Variants in RPS6KB1 observed in about 807,000 individuals in gnomAD.
RPS6KB1 encodes ribosomal protein S6 kinase beta-1.
A neutral mutation model predicts 70.2 loss-of-function variants in RPS6KB1; 12 were observed. That is an observed-to-expected ratio of 0.17 (90% CI 0.11 to 0.28). The LOEUF (loss-of-function observed/expected upper bound fraction) is 0.28, where lower values mean the gene tolerates loss of function less well. Among genes scored for constraint, RPS6KB1 ranks in the 10% least tolerant of loss-of-function variants. The probability of loss-of-function intolerance (pLI) is 1.00; values close to 1 mark genes in which losing one functional copy is unlikely to be tolerated. For missense variants in RPS6KB1, 270 were observed against 646.6 expected, an observed-to-expected ratio of 0.42 and a Z score of 6.32; for synonymous variants, 175 against 211.2, an observed-to-expected ratio of 0.83 and a Z score of 1.49.
intron 1 of RPS6KB1, among the ~76,000 whole-genome samples, chr17:59,899,302 G>C (rs2041764767): frequency 2.0e-5 from 3 of 152,108 alleles, no homozygotes. Flanking sequence ...GAGCCTTCTA[G>C]AGGTAACACT....
chr17:59,932,208 G>A (rs528925591), intron 7 of RPS6KB1, among the ~76,000 whole-genome samples: 1 of 151,004 alleles, frequency 6.6e-6, no homozygotes, highest in Non-Finnish European at 1.5e-5. Context: ...AGTTCAAGAC[G>A]CCTGGCCAAC....
At position 59,947,587 on chromosome 17, in the gene RPS6KB1, T is replaced by C. The variant is rs554972705; in HGVS notation, c.*799T>C. 1.0e-4 allele frequency: 155 copies of C among 1,501,530 alleles called. No homozygotes were observed. The South Asian group carries it at 1.8e-3, about 17-fold the overall frequency. The allele number at this position is 1,501,530 out of a possible 1,614,324, so 93.0% of individuals were successfully genotyped here. A position where few individuals can be genotyped will look rare whatever the true frequency, so the allele number is the denominator to read the frequency against. ...TCTATTTAATCATTTCTACTTGCAG[T>C]ACTGCTATGTGCTAAGCTTAACTGG... On this transcript the variant is annotated 3_prime_UTR_variant, in exon 15 of 15. Coordinates refer to ENST00000225577, the MANE Select transcript of RPS6KB1 (RefSeq NM_003161.4).
intron 1 of RPS6KB1, chr17:59,894,028 T>A (rs1466029493): frequency 2.6e-6 from 2 of 774,604 alleles, no homozygotes; most frequent in Non-Finnish European, 3.1e-6. Context: ...AAGTTGAAGA[T>A]GTCTGTATTT....
intron 1 of RPS6KB1, among the ~76,000 whole-genome samples, chr17:59,900,028 C>T (rs2041814349): frequency 6.6e-6 from 1 of 151,886 alleles, no homozygotes; most frequent in Admixed American, 6.6e-5. Flanking sequence ...AAATAGTGGG[C>T]ATAGTAGCAC....
rs1305661249 is a variant in RPS6KB1, at chr17:59,893,453, C to T, written c.141+128C>T. ...CCTGAGGAGCTGAGGGTCGCGCGGC[C>T]TGAGACAGGGGAGCGGGCGGGGCGG... On this transcript the variant is annotated intron_variant, in intron 1 of 14. Transcript: ENST00000225577. This position sits in a 1 kb window ranked among gnomAD's most constrained non-coding sequence, Gnocchi z 4.1. 5.0e-6 allele frequency: 5 copies of T among 999,178 alleles called. No homozygotes were observed. The highest frequency in any genetic ancestry group is 1.6e-5 in the South Asian group (1 of 60,854). The allele number at this position is 999,178 out of a possible 1,614,324, so 61.9% of individuals were successfully genotyped here. A position where few individuals can be genotyped will look rare whatever the true frequency, so the allele number is the denominator to read the frequency against.
intron 4 of RPS6KB1, among the ~76,000 whole-genome samples, chr17:59,922,085 G>A (rs1220235545): frequency 6.8e-6 from 1 of 146,602 alleles, no homozygotes; most frequent in Non-Finnish European, 1.5e-5. Context: ...CTGTTGCCCA[G>A]GCTGGAGTGC....
chr17:59,949,848 A>G lies in RPS6KB1; in HGVS notation c.*3060A>G, dbSNP rs1448468288. On this transcript the variant is annotated 3_prime_UTR_variant, in exon 15 of 15. Transcript: ENST00000225577. ...AAGATGCATCTTAGATAGTATTAAT[A>G]TACTGAGCCTTGGATTATATATTTA... 6.6e-6 allele frequency: 1 copy of G among 152,484 alleles called. No individual in the cohort carries two copies. The highest frequency in any genetic ancestry group is 1.9e-4 in the East Asian group (1 of 5,202). The allele number at this position is 152,484 out of a possible 1,614,324, so 9.4% of individuals were successfully genotyped here. A position where few individuals can be genotyped will look rare whatever the true frequency, so the allele number is the denominator to read the frequency against.
At position 59,948,170 on chromosome 17, in the gene RPS6KB1, CTT is replaced by C. The variant is rs1391666332; in HGVS notation, c.*1384_*1385del. On this transcript the variant is annotated 3_prime_UTR_variant, in exon 15 of 15. Coordinates refer to ENST00000225577, the MANE Select transcript of RPS6KB1 (RefSeq NM_003161.4). ...GTTAAAAGAATAAAAATAAAGGTAA[CTT>C]TACCTTTCTTAAATATTTCCTGCCT... The C allele has an allele frequency of 6.6e-6, 1 of 152,560 alleles. No homozygotes were observed. Among genetic ancestry groups the C allele is most frequent in the Admixed American group, 6.5e-5 (1 of 15,274 alleles). The allele number at this position is 152,560 out of a possible 1,614,324, so 9.5% of individuals were successfully genotyped here. A position where few individuals can be genotyped will look rare whatever the true frequency, so the allele number is the denominator to read the frequency against.
intron 4 of RPS6KB1, among the ~76,000 whole-genome samples, chr17:59,922,868 G>GTTTTTTTTTTTTTT (rs200633304): frequency 7.4e-6 from 1 of 135,430 alleles, no homozygotes. Context: ...AAAAAAATTT[G>GTTTTTTTTTTTTTT]TTTGTTTTTT....
rs189711343 is a variant in RPS6KB1, at chr17:59,925,743, T to C, written c.382-692T>C. 3.5e-3 allele frequency among the ~76,000 whole-genome samples: 539 copies of C among 152,336 alleles called. 2 individuals are homozygous for C. Among genetic ancestry groups the C allele is most frequent in the Non-Finnish European group, 6.3e-3 (426 of 68,028 alleles). ...AAACTACTTGTAGATTTCCCAGACG[T>C]ATTCTGTCCTCTTTTGCACTGGAAT... On this transcript the variant is annotated intron_variant, in intron 4 of 14. Transcript: ENST00000225577.
At chr17:59,897,844 A>G (rs2041658642) in intron 1 of RPS6KB1, among the ~76,000 whole-genome samples, 1 of 152,076 alleles carries the variant, frequency 6.6e-6, no homozygotes, top group African/African-American at 2.4e-5. Flanking sequence ...GCACACCTCT[A>G]GTCCCAGCTA....
At chr17:59,898,294 A>G (rs2041687647) in intron 1 of RPS6KB1, among the ~76,000 whole-genome samples, 1 of 152,168 alleles carries the variant, frequency 6.6e-6, no homozygotes, top group African/African-American at 2.4e-5. Context: ...AGATTGGGAC[A>G]TCAGATTTTT....
intron 1 of RPS6KB1, among the ~76,000 whole-genome samples, chr17:59,901,299 G>A (rs932548020): frequency 4.0e-5 from 6 of 151,188 alleles, no homozygotes; most frequent in South Asian, 2.1e-4. Context: ...ACAGGTGCCC[G>A]CCACCACGCC....
In RPS6KB1 at chr17:59,947,027, C is replaced by T. The variant is rs569896867; in HGVS notation, c.*239C>T. The T allele has an allele frequency of 3.4e-5, 45 of 1,338,170 alleles. No individual in the cohort carries two copies. The African/African-American group carries it at 3.5e-4, about 10-fold the overall frequency. 82.9% of individuals were successfully genotyped at this position (1,338,170 alleles called of 1,614,324 possible). A position where few individuals can be genotyped will look rare whatever the true frequency, so the allele number is the denominator to read the frequency against. On this transcript the variant is annotated 3_prime_UTR_variant, in exon 15 of 15. Coordinates refer to ENST00000225577, the MANE Select transcript of RPS6KB1 (RefSeq NM_003161.4). ...GGCACATCAATTAATTGATTCCTCG[C>T]GACATCTTCTCAACCTTATCAAGGA...
intron 5 of RPS6KB1, among the ~76,000 whole-genome samples, chr17:59,928,397 T>TC (rs398041777): frequency 1.3e-5 from 2 of 151,882 alleles, no homozygotes; most frequent in Admixed American, 6.6e-5. Flanking sequence ...TCTTTTTTTT[T>TC]TGAGATGGAG....
intron 1 of RPS6KB1, among the ~76,000 whole-genome samples, chr17:59,895,281 A>G (rs2041471852): frequency 6.8e-6 from 1 of 147,044 alleles, no homozygotes; most frequent in Admixed American, 6.9e-5. Context: ...CGGCCTCCCA[A>G]AGTGCTAGGA....
intron 1 of RPS6KB1, among the ~76,000 whole-genome samples, chr17:59,909,348 A>G (rs2042484975): frequency 7.5e-6 from 1 of 133,654 alleles, no homozygotes; most frequent in Admixed American, 8.2e-5. Context: ...GCTCACCGCA[A>G]CTTCTGCCTT....
Position 59,893,183 on chromosome 17 carries a change from C to T in RPS6KB1, c.-2C>T, listed in dbSNP as rs776154177. On this transcript the variant is annotated 5_prime_UTR_variant, in exon 1 of 15. Transcript: ENST00000225577. This position sits in a 1 kb window ranked among gnomAD's most constrained non-coding sequence, Gnocchi z 4.1. ...TGTGGTGGCTGCGGCGGGTCCGGGC[C>T]CATGAGGCGACGAAGGAGGCGGGAC... 1 of 1,584,438 alleles carries T rather than the reference C, an allele frequency of 6.3e-7. No homozygotes were observed. Among genetic ancestry groups the T allele is most frequent in the African/African-American group, 1.3e-5 (1 of 74,648 alleles).
chr17:59,910,502 T>C, intron 1 of RPS6KB1, 60 bp from the exon 2 acceptor site: 1 of 1,075,044 alleles, frequency 9.3e-7, no homozygotes, highest in Middle Eastern at 2.5e-4. Flanking sequence ...AGACAAAGAA[T>C]TAAACCTTTA....
Sources: allele counts gnomAD v4.1 joint callset (sites outside exome capture counted in the v4.1 genomes callset), GRCh38; gene constraint gnomAD v4.1.1; non-coding constraint Gnocchi (gnomAD v3.1); transcripts MANE v1.5; gene names NCBI Gene and HGNC (gene_info 2026-07-23, HGNC 2026-07-21).